Variants in HIP1R observed in about 807,000 individuals in gnomAD.
The protein encoded by HIP1R is huntingtin interacting protein 1 related.
A neutral mutation model predicts 144.2 loss-of-function variants in HIP1R; 135 were observed. That is an observed-to-expected ratio of 0.94 (90% CI 0.81 to 1.08). HIP1R has a LOEUF of 1.08. Ranked by LOEUF, HIP1R falls within the 50% of genes least tolerant of loss-of-function variation. The pLI, the probability that HIP1R is intolerant of heterozygous loss-of-function variation, is 0.00. For missense variants in HIP1R, 1,462 were observed against 1,432.8 expected, an observed-to-expected ratio of 1.02 and a Z score of -0.33; for synonymous variants, 698 against 612.8, an observed-to-expected ratio of 1.14 and a Z score of -2.05.
At chr12:122,847,727 A>G (rs943729933) in intron 1 of HIP1R, among the ~76,000 whole-genome samples, 28 of 152,162 alleles carry the variant, frequency 1.8e-4, no homozygotes, top group African/African-American at 6.5e-4. Flanking sequence ...AGGGCACCAC[A>G]TCTGCCAGGA....
chr12:122,855,028 C>A, intron 9 of HIP1R, 25 bp from the exon 10 acceptor site: 2 of 1,613,804 alleles, frequency 1.2e-6, no homozygotes, highest in Middle Eastern at 1.6e-4. Context: ...CCTTCCTGAA[C>A]CCGAACTTCC....
Position 122,861,440 on chromosome 12 carries a change from G to A in HIP1R, c.3085G>A (p.Ala1029Thr). The part of the protein sequence containing the change: ...GEEVAIRPST[A>T]PRSVTTKKPP... ...GGAGGTGGCCATCCGGCCCAGCACT[G>A]CCCCCCGAAGTGTAACCACCAAGAA... Residue 1029 changes from alanine (A) to threonine (T), a missense_variant, in exon 31 of 32, where the codon GCC (alanine) becomes ACC (threonine). Ala to Thr is a moderately conservative substitution (Grantham distance 58). Coordinates refer to ENST00000253083, the MANE Select transcript of HIP1R (RefSeq NM_003959.3). 1 of 1,613,448 alleles carries A rather than the reference G, an allele frequency of 6.2e-7. No individual in the cohort carries two copies. The highest frequency in any genetic ancestry group is 8.5e-7 in the Non-Finnish European group (1 of 1,179,872).
intron 1 of HIP1R, among the ~76,000 whole-genome samples, chr12:122,846,729 A>C (rs2033220857): frequency 6.6e-6 from 1 of 152,176 alleles, no homozygotes; most frequent in Non-Finnish European, 1.5e-5. Context: ...TGTGTGTGAA[A>C]GGGGGTCAGC....
chr12:122,852,049 G>C (rs1255002905), intron 7 of HIP1R, among the ~76,000 whole-genome samples: 8 of 152,226 alleles, frequency 5.3e-5, no homozygotes, highest in African/African-American at 1.9e-4. Flanking sequence ...AAATCTCAGA[G>C]GGCTCAGCTT....
chr12:122,846,777 G>C (rs1275138406), intron 1 of HIP1R, among the ~76,000 whole-genome samples: 1 of 152,204 alleles, frequency 6.6e-6, no homozygotes, highest in Non-Finnish European at 1.5e-5. Context: ...GAGGCTGCCT[G>C]GCCCAGCCCC....
Position 122,857,148 on chromosome 12 carries a change from C to CGCTGA in HIP1R, c.1751_1755dup (p.Arg586Ter). 2.6e-6 allele frequency: 4 copies of CGCTGA among 1,550,432 alleles called. No homozygotes were observed. The highest frequency in any genetic ancestry group is 3.5e-6 in the Non-Finnish European group (4 of 1,146,902). The stretch of plus-strand genomic sequence containing the variant: ...AGCCTGGTGCGCGAGACAGAGGCGG[C>CGCTGA]GCTGAGCCGGGAGCAGCAGCGCAGC... On this transcript the variant is annotated frameshift_variant, in exon 18 of 32. Transcript: ENST00000253083. LOFTEE classifies it high-confidence loss of function.
Position 122,862,375 on chromosome 12 carries a change from A to G in HIP1R, c.*622A>G, listed in dbSNP as rs531622440. 2 of 152,406 alleles carry G rather than the reference A, an allele frequency of 1.3e-5. No homozygotes were observed. The highest frequency in any genetic ancestry group is 2.4e-5 in the African/African-American group (1 of 41,468). 9.4% of individuals were successfully genotyped at this position (152,406 alleles called of 1,614,324 possible). ...ATGGGAGCCCCCCAGGAGGGGTCAG[A>G]TGCTGGAAGGGGCCGCTTTCTGGGG... On this transcript the variant is annotated 3_prime_UTR_variant, in exon 32 of 32. Transcript: ENST00000253083.
At chr12:122,839,142 G>A (rs1469977783) in intron 1 of HIP1R, among the ~76,000 whole-genome samples, 1 of 152,228 alleles carries the variant, frequency 6.6e-6, no homozygotes, top group African/African-American at 2.4e-5. Context: ...CGGCTGAAAA[G>A]TTTAACATCT....
intron 20 of HIP1R, 31 bp from the exon 21 acceptor site, chr12:122,858,807 C>T (rs757509243): frequency 3.4e-6 from 5 of 1,456,448 alleles, no homozygotes; most frequent in East Asian, 2.3e-5. Flanking sequence ...GTGTCATCCT[C>T]CCCCAACCTT....
rs753446845 is a variant in HIP1R, at chr12:122,858,165, G to A, written c.1879G>A (p.Ala627Thr). The change falls in exon 19 of 32, where the codon GCT (alanine) becomes ACT (threonine). Residue 627 changes from alanine (A) to threonine (T), a missense_variant. Around this residue, in one of 2 missense-constraint regions of HIP1R, gnomAD observed 1,112 missense variants for 1,011.7 expected, o/e 1.10. Transcript: ENST00000253083. ...LDEQFAVLRG[A>T]AAEAAGILQD... is the part of the protein sequence containing the mutation. ...CGAGCAGTTCGCAGTGTTGCGGGGC[G>A]CTGCTGCCGAGGCCGCGGGCATCCT... 97 of 1,606,294 alleles carry A rather than the reference G, an allele frequency of 6.0e-5. No individual in the cohort carries two copies. The highest frequency in any genetic ancestry group is 7.0e-5 in the Non-Finnish European group (83 of 1,178,254).
intron 3 of HIP1R, 58 bp downstream of exon 3, chr12:122,848,666 C>G (rs901001185): frequency 1.3e-6 from 2 of 1,593,716 alleles, no homozygotes; most frequent in South Asian, 1.1e-5. Context: ...CGCGGACATG[C>G]GGGCTCTGGC....
In HIP1R at chr12:122,860,437, G is replaced by A. The variant is rs143059773; in HGVS notation, c.2574G>A (p.Gln858=). The change falls in exon 27 of 32, where the codon CAG becomes CAA. Residue 858 remains glutamine, a synonymous_variant. Coordinates refer to ENST00000253083, the MANE Select transcript of HIP1R (RefSeq NM_003959.3). The stretch of plus-strand genomic sequence containing the variant: ...GTCGCCACTAGGGGGCAGCCACGCA[G>A]CAGGAATTTTACGCCAAGAACTCGC... ...IVESGRGAAT[Q]QEFYAKNSRW... is the part of the protein sequence containing the mutation. The A allele has an allele frequency of 4.3e-6, 7 of 1,613,442 alleles. No individual in the cohort carries two copies. The South Asian group carries it at 4.4e-5, about 10-fold the overall frequency.
intron 2 of HIP1R, among the ~76,000 whole-genome samples, 170 bp downstream of exon 2, chr12:122,848,264 A>G (rs1441040729): frequency 6.6e-6 from 1 of 151,922 alleles, no homozygotes; most frequent in Non-Finnish European, 1.5e-5. Flanking sequence ...CATCACAAAA[A>G]CGCCCCCATT....
In HIP1R at chr12:122,857,151, T is replaced by TGA; in HGVS notation, c.1753_1754dup (p.Ser585ArgfsTer56). On this transcript the variant is annotated frameshift_variant, in exon 18 of 32. Coordinates refer to ENST00000253083, the MANE Select transcript of HIP1R (RefSeq NM_003959.3). LOFTEE classifies it high-confidence loss of function. ...CTGGTGCGCGAGACAGAGGCGGCGC[T>TGA]GAGCCGGGAGCAGCAGCGCAGCTCC... 1 of 1,550,426 alleles carries TGA rather than the reference T, an allele frequency of 6.4e-7. No individual in the cohort carries two copies. Among genetic ancestry groups the TGA allele is most frequent in the Non-Finnish European group, 8.7e-7 (1 of 1,146,892 alleles).
rs2033026315 is a variant in HIP1R at position 122,840,426 on chromosome 12, C to T, written c.93+4783C>T. Among the ~76,000 whole-genome samples, 1 of 152,226 alleles carries T rather than the reference C, an allele frequency of 6.6e-6. No individual in the cohort carries two copies. Among genetic ancestry groups the T allele is most frequent in the African/African-American group, 2.4e-5 (1 of 41,450 alleles). ...TGGTAGGGCAGTCAAGAGCAAGCTCCAGGTTCAGCCCCTGGCTCTGTCCCT... is the reference window on the plus strand; with the variant it reads ...TGGTAGGGCAGTCAAGAGCAAGCTCTAGGTTCAGCCCCTGGCTCTGTCCCT... On this transcript the variant is annotated intron_variant, in intron 1 of 31. Transcript: ENST00000253083. This position sits in a 1 kb window ranked among gnomAD's most constrained non-coding sequence, Gnocchi z 4.2.
At chr12:122,852,863 T>C (rs1312575640) in intron 7 of HIP1R, among the ~76,000 whole-genome samples, 1 of 152,192 alleles carries the variant, frequency 6.6e-6, no homozygotes, top group African/African-American at 2.4e-5. Context: ...ACTTTATGTG[T>C]GCTGTAATTT....
intron 1 of HIP1R, among the ~76,000 whole-genome samples, chr12:122,839,946 G>A (rs1408486173): frequency 6.6e-6 from 1 of 152,232 alleles, no homozygotes; most frequent in Non-Finnish European, 1.5e-5. Context: ...ATCACCTGGT[G>A]GCTTTTAGAA....
At chr12:122,857,917 G>A in intron 18 of HIP1R, 185 bp from the exon 19 acceptor site, 1 of 467,702 alleles carries the variant, frequency 2.1e-6, no homozygotes, top group South Asian at 5.5e-5. Flanking sequence ...CGTTTTAATT[G>A]GGTTATCTTT....
In HIP1R at chr12:122,859,806, G is replaced by A. The variant is rs1163549576; in HGVS notation, c.2441G>A (p.Gly814Glu). 1 of 1,612,874 alleles carries A rather than the reference G, an allele frequency of 6.2e-7. No individual in the cohort carries two copies. Residue 814 changes from glycine to glutamate, a missense_variant, in exon 24 of 32, where the codon GGG becomes GAG. Physicochemically the swap from Gly to Glu is moderately conservative, Grantham distance 98. Transcript: ENST00000253083. ...MMNQARHASSGVKLEVNERIL... is the reference protein window; with the variant it reads ...MMNQARHASSEVKLEVNERIL... ...AACCAGGCACGCCACGCCAGCTCGGGGGTGAAGCTGGAGGTGAACGAGAGG... is the reference window on the plus strand; with the variant it reads ...AACCAGGCACGCCACGCCAGCTCGGAGGTGAAGCTGGAGGTGAACGAGAGG...
Sources: allele counts gnomAD v4.1 joint callset (sites outside exome capture counted in the v4.1 genomes callset), GRCh38; gene constraint gnomAD v4.1.1; regional missense constraint gnomAD v4.1.1; non-coding constraint Gnocchi (gnomAD v3.1); transcripts MANE v1.5; gene names NCBI Gene and HGNC (gene_info 2026-07-23, HGNC 2026-07-21).